The following KDM1B variants were observed in gnomAD, a reference collection of about 807,000 sequenced individuals.
KDM1B encodes the protein lysine-specific histone demethylase 2.
Under a neutral mutation model 107.4 loss-of-function variants are expected in KDM1B, and 63 were observed. That is an observed-to-expected ratio of 0.59 (90% confidence interval 0.48 to 0.72). The LOEUF is 0.72. Ranked by LOEUF, KDM1B falls within the 30% of genes least tolerant of loss-of-function variation. The probability of loss-of-function intolerance (pLI) is 0.00; values close to 1 mark genes in which losing one functional copy is unlikely to be tolerated. For missense variants in KDM1B, 749 were observed against 1,020.8 expected (o/e 0.73, Z 3.63); for synonymous variants, 363 against 363.9 (o/e 1.00, Z 0.03).
intron 9 of KDM1B, among the ~76,000 whole-genome samples, chr6:18,189,205 A>G (rs896070746): frequency 1.3e-5 from 2 of 152,106 alleles, no homozygotes; most frequent in African/African-American, 4.8e-5. Flanking sequence ...ATGCAAATAG[A>G]TTTTTGCACT....
chr6:18,183,091 T>C lies in KDM1B; in HGVS notation c.535-2681T>C, dbSNP rs372556154. Among the ~76,000 whole-genome samples, 6 of 152,228 alleles carry C rather than the reference T, an allele frequency of 3.9e-5. No individual in the cohort carries two copies. In the South Asian group the frequency reaches 1.2e-3, roughly 32 times the overall value. ...TAGACACAAAGAGTTATAATTTATA[T>C]GTAAGGAGGAAAGAATGAAAGCAAA... On this transcript the variant is annotated intron_variant, in intron 7 of 21. Coordinates refer to ENST00000650836, the MANE Select transcript of KDM1B (RefSeq NM_001364614.2).
At chr6:18,181,580 T>C (rs1277936826) in intron 7 of KDM1B, among the ~76,000 whole-genome samples, 1 of 152,004 alleles carries the variant, frequency 6.6e-6, no homozygotes, top group Non-Finnish European at 1.5e-5. Context: ...ACCCTGTCTC[T>C]ACAAAGAATA....
Position 18,197,178 on chromosome 6 carries a change from C to T in KDM1B, c.1091C>T (p.Thr364Ile). ...ATGACCAGAAAAGGTCTCATCAACA[C>T]TGGAGTTCTCAGCGTGGGAGCCGAC... ...YFMTRKGLINTGVLSVGADQY... is the reference protein window; with the variant it reads ...YFMTRKGLINIGVLSVGADQY... The change falls in exon 11 of 22, where the codon ACT becomes ATT. Residue 364 changes from threonine (T) to isoleucine (I), a missense_variant. By Grantham distance (89) the Thr-to-Ile change is moderately conservative. Coordinates refer to ENST00000650836, the MANE Select transcript of KDM1B (RefSeq NM_001364614.2). The surrounding 1 kb of genome is among the most constrained non-coding windows in gnomAD (Gnocchi z 4.5). The T allele has an allele frequency of 6.2e-7, 1 of 1,614,146 alleles. No homozygotes were observed. The highest frequency in any genetic ancestry group is 1.1e-5 in the South Asian group (1 of 91,080).
intron 21 of KDM1B, among the ~76,000 whole-genome samples, chr6:18,220,875 A>G (rs552603717): frequency 2.1e-4 from 31 of 151,070 alleles, no homozygotes; most frequent in African/African-American, 7.5e-4. Flanking sequence ...GCGTTCAAGC[A>G]ATTCTGTTTC....
rs1179301064 is a variant in KDM1B, at chr6:18,222,765, A to T, written c.*773A>T. 1 of 152,336 alleles carries T rather than the reference A, an allele frequency of 6.6e-6. No individual in the cohort carries two copies. Among genetic ancestry groups the T allele is most frequent in the Admixed American group, 6.6e-5 (1 of 15,246 alleles). The allele number at this position is 152,336 out of a possible 1,614,324, so 9.4% of individuals were successfully genotyped here. ...TTTCTTAAAGCCAAATTTGGGTGAT[A>T]GGACACTTTAAATATCCTTAATTTT... On this transcript the variant is annotated 3_prime_UTR_variant, in exon 22 of 22. Coordinates refer to ENST00000650836, the MANE Select transcript of KDM1B (RefSeq NM_001364614.2).
chr6:18,194,330 C>T (rs576318963), intron 10 of KDM1B, among the ~76,000 whole-genome samples: 4 of 151,660 alleles, frequency 2.6e-5, no homozygotes, highest in African/African-American at 9.7e-5. Flanking sequence ...TTCCCCCATC[C>T]CCCCAACCAT....
intron 2 of KDM1B, among the ~76,000 whole-genome samples, chr6:18,156,767 A>G (rs1784636561): frequency 2.0e-5 from 3 of 152,044 alleles, no homozygotes; most frequent in Admixed American, 2.0e-4. Context: ...AAATACAAAA[A>G]TTAGCCGGAC....
chr6:18,198,067 T>G (rs1333714390), intron 12 of KDM1B, among the ~76,000 whole-genome samples: 2 of 151,970 alleles, frequency 1.3e-5, no homozygotes, highest in African/African-American at 4.8e-5. Context: ...CAGCGAATTT[T>G]TGTATTTTTA....
rs1016651648 is a variant in KDM1B, at chr6:18,203,406, G to C, written c.1531+1749G>C. ...TAGTAGTGCACACATCTCTGTGTAA[G>C]GCTATAGTTATATCCTGCCTGTTGG... On this transcript the variant is annotated intron_variant, in intron 14 of 21. Coordinates refer to ENST00000650836, the MANE Select transcript of KDM1B (RefSeq NM_001364614.2). This position sits in a 1 kb window ranked among gnomAD's most constrained non-coding sequence, Gnocchi z 5.5. 6.6e-6 allele frequency among the ~76,000 whole-genome samples: 1 copy of C among 152,160 alleles called. No homozygotes were observed. The highest frequency in any genetic ancestry group is 1.5e-5 in the Non-Finnish European group (1 of 68,042).
At position 18,205,545 on chromosome 6, in the gene KDM1B, G is replaced by A; in HGVS notation, c.1540G>A (p.Glu514Lys). The A allele has an allele frequency of 6.5e-7, 1 of 1,547,306 alleles. No individual in the cohort carries two copies. Among genetic ancestry groups the A allele is most frequent in the Non-Finnish European group, 8.7e-7 (1 of 1,145,238 alleles). The change falls in exon 15 of 22, where the codon GAA becomes AAA. Residue 514 changes from glutamate to lysine, a missense_variant. By Grantham distance (56) the Glu-to-Lys change is moderately conservative. Coordinates refer to ENST00000650836, the MANE Select transcript of KDM1B (RefSeq NM_001364614.2). The surrounding 1 kb of genome is among the most constrained non-coding windows in gnomAD (Gnocchi z 5.7). ...ATCCATTCCCATTACAGAAAAGATAGAAGAAATCTACAAGGCATTTATTAA... is the reference window on the plus strand; with the variant it reads ...ATCCATTCCCATTACAGAAAAGATAAAAGAAATCTACAAGGCATTTATTAA... Reference protein sequence around the residue: ...LQDVPLGEKIEEIYKAFIKES... With the variant: ...LQDVPLGEKIKEIYKAFIKES...
chr6:18,209,614 G>GT lies in KDM1B; in HGVS notation c.1866+1415dup, dbSNP rs1410968335. On this transcript the variant is annotated intron_variant, in intron 17 of 21. Transcript: ENST00000650836. The surrounding 1 kb of genome is among the most constrained non-coding windows in gnomAD (Gnocchi z 4.3). Reference sequence around the variant, plus strand: ...TTGAATTGGCCTCGCTTTTTTGTTTGTTTTTTTCAGAGACAGGGTCTCAGT... The same window carrying GT: ...TTGAATTGGCCTCGCTTTTTTGTTTGTTTTTTTTCAGAGACAGGGTCTCAGT... Among the ~76,000 whole-genome samples the GT allele has an allele frequency of 6.6e-6, 1 of 152,054 alleles. No homozygotes were observed. The highest frequency in any genetic ancestry group is 1.5e-5 in the Non-Finnish European group (1 of 67,994).
rs1183086626 is a variant in KDM1B, at chr6:18,161,359, G to T, written c.120G>T (p.Glu40Asp). Reference protein sequence around the residue: ...AKKKATETTDEDEDGGSEKKY... With the variant: ...AKKKATETTDDDEDGGSEKKY... ...AGAAAGCAACAGAGACAACAGATGA[G>T]GATGAAGATGGTGGCTCAGAGAAGA... is the stretch of plus-strand genomic sequence containing the variant. Residue 40 changes from glutamate (E) to aspartate (D), a missense_variant, in exon 4 of 22, where the codon GAG becomes GAT. By Grantham distance (45) the Glu-to-Asp change is conservative. Transcript: ENST00000650836. The T allele has an allele frequency of 1.2e-6, 2 of 1,613,980 alleles. No individual in the cohort carries two copies. Among genetic ancestry groups the T allele is most frequent in the Non-Finnish European group, 1.7e-6 (2 of 1,179,930 alleles).
rs1260173444 is a variant in KDM1B, at chr6:18,159,371, T to C, written c.-13-512T>C. Among the ~76,000 whole-genome samples the C allele has an allele frequency of 6.6e-6, 1 of 152,232 alleles. No individual in the cohort carries two copies. Among genetic ancestry groups the C allele is most frequent in the African/African-American group, 2.4e-5 (1 of 41,454 alleles). ...AGGCAAAACTAGGTGGTTTTCCTCA[T>C]TGAATTTTATAAACATAGTGTGGTT... On this transcript the variant is annotated intron_variant, in intron 2 of 21. Coordinates refer to ENST00000650836, the MANE Select transcript of KDM1B (RefSeq NM_001364614.2). This position sits in a 1 kb window ranked among gnomAD's most constrained non-coding sequence, Gnocchi z 4.5.
chr6:18,197,726 AG>A lies in KDM1B; in HGVS notation c.1221+66del. On this transcript the variant is annotated intron_variant, in intron 12 of 21. Transcript: ENST00000650836. The surrounding 1 kb of genome is among the most constrained non-coding windows in gnomAD (Gnocchi z 4.5). ...CTGCTCCTTTTGGTCCAAATTTCTA[AG>A]ATTTAGAAACCAGTTCCTATTTTTA... 3.4e-6 allele frequency: 4 copies of A among 1,172,796 alleles called. No individual in the cohort carries two copies. Among genetic ancestry groups the A allele is most frequent in the Non-Finnish European group, 5.0e-6 (4 of 802,576 alleles). 72.6% of individuals were successfully genotyped at this position (1,172,796 alleles called of 1,614,324 possible). A position where few individuals can be genotyped will look rare whatever the true frequency, so the allele number is the denominator to read the frequency against.
intron 15 of KDM1B, among the ~76,000 whole-genome samples, chr6:18,206,720 A>G (rs1365300751): frequency 6.6e-6 from 1 of 152,112 alleles, no homozygotes; most frequent in Non-Finnish European, 1.5e-5. Context: ...CCACTGCACC[A>G]GGACTTGTCT....
intron 7 of KDM1B, among the ~76,000 whole-genome samples, chr6:18,175,110 T>C (rs1005643536): frequency 6.6e-6 from 1 of 152,124 alleles, no homozygotes; most frequent in African/African-American, 2.4e-5. Context: ...ACCAGCAGTA[T>C]AGAAATGTTC....
intron 21 of KDM1B, among the ~76,000 whole-genome samples, chr6:18,221,313 T>G (rs950697907): frequency 6.6e-6 from 1 of 152,296 alleles, no homozygotes; most frequent in African/African-American, 2.4e-5. Flanking sequence ...ACTTAATCAC[T>G]AATTCAGGCC....
In KDM1B at chr6:18,191,165, T is replaced by C. The variant is rs1787260813; in HGVS notation, c.785-32T>C. On this transcript the variant is annotated intron_variant, in intron 9 of 21. Coordinates refer to ENST00000650836, the MANE Select transcript of KDM1B (RefSeq NM_001364614.2). This position sits in a 1 kb window ranked among gnomAD's most constrained non-coding sequence, Gnocchi z 5.1. The stretch of plus-strand genomic sequence containing the variant: ...TCTTCTGGATTTGGAAGTTACAGCT[T>C]GTAGGAGTTGCCCATTTGTGTTACC... 6.5e-6 allele frequency: 10 copies of C among 1,542,180 alleles called. No individual in the cohort carries two copies. The highest frequency in any genetic ancestry group is 8.8e-6 in the Non-Finnish European group (10 of 1,141,580).
chr6:18,198,078 G>A (rs1235163476), intron 12 of KDM1B, among the ~76,000 whole-genome samples: 1 of 152,010 alleles, frequency 6.6e-6, no homozygotes, highest in African/African-American at 2.4e-5. Flanking sequence ...TGTATTTTTA[G>A]TAGAGTGGGG....
Sources: allele counts gnomAD v4.1 joint callset (sites outside exome capture counted in the v4.1 genomes callset), GRCh38; gene constraint gnomAD v4.1.1; non-coding constraint Gnocchi (gnomAD v3.1); transcripts MANE v1.5; gene names NCBI Gene and HGNC (gene_info 2026-07-23, HGNC 2026-07-21).